The following OLR1 variants were observed in gnomAD, a reference collection of about 807,000 sequenced individuals.
OLR1 encodes the protein oxidized low density lipoprotein receptor 1.
A neutral mutation model predicts 31.7 loss-of-function variants in OLR1; 23 were observed. That is an observed-to-expected ratio of 0.72 (90% CI 0.52 to 1.03). The LOEUF is 1.03. OLR1 is among the 50% of genes least tolerant of loss of function. The pLI is 0.00. For synonymous variants in OLR1, 117 were observed against 115.8 expected (o/e 1.01, Z -0.07); for missense variants, 286 against 315.7 (o/e 0.91, Z 0.71).
chr12:10,169,077 G>A lies in OLR1; in HGVS notation c.175C>T (p.Gln59Ter). The stretch of plus-strand genomic sequence containing the variant: ...AGTTCCGTATTTTAGCACTTACATT[G>A]CATGCCCAGCACCATAATGGTCACT... ...LVVTIMVLGM[Q>*]LSQVSDLLTQ... Residue 59 changes from glutamine to a stop codon, truncating the protein, a stop_gained, in exon 2 of 6, where the codon CAA becomes TAA. Transcript: ENST00000309539. LOFTEE classifies it high-confidence loss of function. 1.2e-6 allele frequency: 2 copies of A among 1,601,088 alleles called. No individual in the cohort carries two copies. Among genetic ancestry groups the A allele is most frequent in the African/African-American group, 2.7e-5 (2 of 74,390 alleles).
chr12:10,170,682 A>C (rs1948707190), intron 1 of OLR1: 1 of 151,998 alleles, frequency 6.6e-6, no homozygotes, highest in African/African-American at 2.4e-5. Flanking sequence ...AGTACAGATG[A>C]GGTTTCACCG....
At chr12:10,172,936 C>G (rs1480121104), upstream of OLR1, among the ~76,000 whole-genome samples, 3 of 151,904 alleles carry the variant, frequency 2.0e-5, no homozygotes, top group Non-Finnish European at 4.4e-5. Context: ...CTTTTTTACA[C>G]TAGGTTTGTG....
chr12:10,167,410 C>G (rs2634160), intron 2 of OLR1: 39,510 of 153,194 alleles, frequency 0.26, 5,739 homozygotes, highest in East Asian at 0.59. Context: ...CCACTGCACT[C>G]CAGCCTGGCG....
chr12:10,173,555 G>A (rs376318374), upstream of OLR1, among the ~76,000 whole-genome samples: 7 of 151,828 alleles, frequency 4.6e-5, no homozygotes, highest in South Asian at 1.0e-3. Context: ...TGAGGGGGGG[G>A]GTGGATCACT....
At chr12:10,169,593 G>A (rs769407710) in intron 1 of OLR1, among the ~76,000 whole-genome samples, 4 of 152,124 alleles carry the variant, frequency 2.6e-5, no homozygotes, top group Non-Finnish European at 4.4e-5. Context: ...TATACACCAC[G>A]TGTACACATG....
At chr12:10,169,923 T>TAA (rs34715844) in intron 1 of OLR1, among the ~76,000 whole-genome samples, 4,741 of 148,156 alleles carry the variant, frequency 0.032, 121 homozygotes, top group Middle Eastern at 0.11. Flanking sequence ...GTTCCACCAC[T>TAA]AAAAAAAAAA....
At chr12:10,166,535 AAAAGAAAAAG>A (rs1376401416) in intron 3 of OLR1, among the ~76,000 whole-genome samples, 167 bp downstream of exon 3, 3 of 151,984 alleles carry the variant, frequency 2.0e-5, no homozygotes, top group Non-Finnish European at 2.9e-5. Context: ...CTAAAAAAAA[AAAAGAAAAAG>A]AAAGAAAAAG....
chr12:10,169,241 G>GTACAGACA, intron 1 of OLR1, 66 bp from the exon 2 acceptor site: 2 of 1,146,918 alleles, frequency 1.7e-6, no homozygotes, highest in Non-Finnish European at 2.5e-6. Flanking sequence ...ACCATTCCTT[G>GTACAGACA]GAGCCTGTCT....
upstream of OLR1, among the ~76,000 whole-genome samples, chr12:10,173,346 G>A (rs1050711764): frequency 2.0e-5 from 3 of 152,150 alleles, no homozygotes; most frequent in African/African-American, 7.2e-5. Flanking sequence ...AGGAAGAATG[G>A]AAAAATAAAT....
chr12:10,162,136 T>C lies in OLR1; in HGVS notation c.425-1211A>G, dbSNP rs1030323771. ...GCAAAATATACCAATGTCTACATGT[T>C]TATGGATGCTTTCAGGAACCCTCAA... On this transcript the variant is annotated intron_variant, in intron 3 of 5. Coordinates refer to ENST00000309539, the MANE Select transcript of OLR1 (RefSeq NM_002543.4). Among the ~76,000 whole-genome samples, 4 of 152,094 alleles carry C rather than the reference T, an allele frequency of 2.6e-5. No homozygotes were observed. In the East Asian group the frequency reaches 7.7e-4, roughly 29 times the overall value.
chr12:10,169,259 G>C lies in OLR1; in HGVS notation c.77-84C>G. 7 of 884,076 alleles carry C rather than the reference G, an allele frequency of 7.9e-6. No homozygotes were observed. In the South Asian group the frequency reaches 1.2e-4, roughly 15 times the overall value. The allele number at this position is 884,076 out of a possible 1,614,324, so 54.8% of individuals were successfully genotyped here. The stretch of plus-strand genomic sequence containing the variant: ...ATTCCTTGGAGCCTGTCTGTACTTG[G>C]TGATTTACTCTGTTTATGTTTTAGT... On this transcript the variant is annotated intron_variant, in intron 1 of 5. Coordinates refer to ENST00000309539, the MANE Select transcript of OLR1 (RefSeq NM_002543.4).
intron 1 of OLR1, chr12:10,170,709 C>A (rs934455152): frequency 6.6e-6 from 1 of 152,196 alleles, no homozygotes; most frequent in African/African-American, 2.4e-5. Context: ...TCTCGAACTC[C>A]TGACCTCATG....
chr12:10,168,280 A>C (rs1479838386), intron 2 of OLR1, among the ~76,000 whole-genome samples: 1 of 151,822 alleles, frequency 6.6e-6, no homozygotes, highest in African/African-American at 2.4e-5. Flanking sequence ...AATGTGAAAT[A>C]TATTTTATTT....
At chr12:10,171,786 G>C (rs186690716) in intron 1 of OLR1, among the ~76,000 whole-genome samples, 29 of 152,304 alleles carry the variant, frequency 1.9e-4, no homozygotes, top group African/African-American at 7.0e-4. Context: ...ATAACATATA[G>C]AATAACCTGT....
At position 10,159,299 on chromosome 12, in the gene OLR1, G is replaced by GTGTA. The variant is rs1948599829; in HGVS notation, c.*580_*581insTACA. 2 of 123,206 alleles carry GTGTA rather than the reference G, an allele frequency of 1.6e-5. No homozygotes were observed. Among genetic ancestry groups the GTGTA allele is most frequent in the African/African-American group, 5.1e-5 (2 of 39,300 alleles). 7.6% of individuals were successfully genotyped at this position (123,206 alleles called of 1,614,324 possible). A position where few individuals can be genotyped will look rare whatever the true frequency, so the allele number is the denominator to read the frequency against. On this transcript the variant is annotated 3_prime_UTR_variant, in exon 6 of 6. Transcript: ENST00000309539. The stretch of plus-strand genomic sequence containing the variant: ...CACTTGTCCCAAAATGTGTGTGTGT[G>GTGTA]TGTGTGTGTGTGTCTGTCTGTCTGT...
At chr12:10,161,699 C>T (rs995821524) in intron 3 of OLR1, among the ~76,000 whole-genome samples, 5 of 152,080 alleles carry the variant, frequency 3.3e-5, no homozygotes, top group Admixed American at 3.3e-4. Flanking sequence ...TGACCCACCA[C>T]ACCCGGCTAG....
chr12:10,167,178 A>T (rs1371654765), intron 2 of OLR1: 1 of 456,678 alleles, frequency 2.2e-6, no homozygotes, highest in South Asian at 2.8e-5. Flanking sequence ...TAATTTTTTT[A>T]AAAATTACCA....
intron 2 of OLR1, 114 bp from the exon 3 acceptor site, chr12:10,167,071 G>A: frequency 2.0e-6 from 2 of 1,003,306 alleles, no homozygotes; most frequent in Non-Finnish European, 1.5e-6. Flanking sequence ...ATAAGCTGCT[G>A]AAAAATGACC....
intron 1 of OLR1, chr12:10,170,464 T>C (rs1948703107): frequency 6.6e-6 from 1 of 150,940 alleles, no homozygotes; most frequent in African/African-American, 2.4e-5. Context: ...TTCCACATTG[T>C]AGGGCATCAG....
Sources: gnomAD v4.1 joint callset for allele counts (sites outside exome capture counted in the v4.1 genomes callset) on GRCh38, gnomAD v4.1.1 for gene constraint, MANE v1.5 for transcripts, NCBI Gene and HGNC (gene_info 2026-07-23, HGNC 2026-07-21) for gene names.